Variants in IL1RL1 observed in about 807,000 individuals in gnomAD.
IL1RL1 encodes the protein interleukin 1 receptor like 1.
Under a neutral mutation model 50.9 loss-of-function variants are expected in IL1RL1, and 32 were observed. The ratio of observed to expected loss-of-function variants is 0.63; its 90% CI spans 0.47 to 0.84. IL1RL1 has a LOEUF of 0.84. Ranked by LOEUF, IL1RL1 falls within the 40% of genes least tolerant of loss-of-function variation. IL1RL1 has a pLI of 0.00. For synonymous variants in IL1RL1, 275 were observed against 236.0 expected (o/e 1.17, Z -1.51); for missense variants, 773 against 662.9 (o/e 1.17, Z -1.82).
Position 102,349,187 on chromosome 2 carries a change from T to C in IL1RL1, c.1226T>C (p.Leu409Pro). The change falls in exon 10 of 11, where the codon CTT (leucine) becomes CCT (proline). Residue 409 changes from leucine to proline, a missense_variant. Leu to Pro is a moderately conservative substitution (Grantham distance 98). Coordinates refer to ENST00000233954, the MANE Select transcript of IL1RL1 (RefSeq NM_016232.5). ...GTTCACCAGATTCTGCCTGATGTTCTTGAAAATAAATGTGGCTATACCTTA... is the reference window on the plus strand; with the variant it reads ...GTTCACCAGATTCTGCCTGATGTTCCTGAAAATAAATGTGGCTATACCTTA... ...HFVHQILPDV[L>P]ENKCGYTLCI... 1 of 1,613,998 alleles carries C rather than the reference T, an allele frequency of 6.2e-7. No homozygotes were observed. Among genetic ancestry groups the C allele is most frequent in the Non-Finnish European group, 8.5e-7 (1 of 1,179,870 alleles).
chr2:102,341,168 C>CTT (rs112164401), intron 5 of IL1RL1: 13,903 of 929,676 alleles, frequency 0.015, 1 homozygote, highest in Non-Finnish European at 0.016. Flanking sequence ...GCAAAACCAG[C>CTT]TTTTTTTTTT....
chr2:102,327,333 T>C (rs1677041022), intron 1 of IL1RL1, among the ~76,000 whole-genome samples: 1 of 151,370 alleles, frequency 6.6e-6, no homozygotes, highest in African/African-American at 2.4e-5. Context: ...CATACCAGAA[T>C]CTCTGGGACA....
chr2:102,322,668 T>G (rs1443315150), intron 1 of IL1RL1, among the ~76,000 whole-genome samples: 4 of 152,206 alleles, frequency 2.6e-5, no homozygotes, highest in Non-Finnish European at 5.9e-5. Context: ...ACAACTAATA[T>G]TCAATTAAAA....
intron 8 of IL1RL1, chr2:102,343,857 G>A (rs1040980882): frequency 3.0e-6 from 3 of 1,008,704 alleles, no homozygotes; most frequent in Non-Finnish European, 3.6e-6. Context: ...TTTTGTTAGC[G>A]AGGGTGGTAA....
At chr2:102,331,040 A>T (rs1353973859) in intron 1 of IL1RL1, among the ~76,000 whole-genome samples, 1 of 152,208 alleles carries the variant, frequency 6.6e-6, no homozygotes, top group Non-Finnish European at 1.5e-5. Context: ...TTAATCAAAC[A>T]TCAATTTACT....
At chr2:102,336,470 CCTT>C (rs1677330557) in intron 1 of IL1RL1, among the ~76,000 whole-genome samples, 1 of 151,484 alleles carries the variant, frequency 6.6e-6, no homozygotes, top group South Asian at 2.1e-4. Context: ...GTTCCTGAAT[CCTT>C]CTGAGATGTG....
chr2:102,338,524 T>G (rs1041159581), intron 2 of IL1RL1, among the ~76,000 whole-genome samples, 199 bp downstream of exon 2: 2 of 152,200 alleles, frequency 1.3e-5, no homozygotes, highest in African/African-American at 4.8e-5. Context: ...TCAGTTTGGC[T>G]TTGCATATTC....
intron 1 of IL1RL1, among the ~76,000 whole-genome samples, chr2:102,336,514 A>T (rs74587142): frequency 6.6e-6 from 1 of 152,198 alleles, no homozygotes; most frequent in Non-Finnish European, 1.5e-5. Context: ...GAGTTTACTC[A>T]TGATAGGGTC....
rs78841971 is a variant in IL1RL1 at position 102,338,035 on chromosome 2, A to G, written c.-149-81A>G. 1.6e-3 allele frequency: 565 copies of G among 342,734 alleles called. 2 individuals are homozygous for G. Among genetic ancestry groups the G allele is most frequent in the Middle Eastern group, 9.3e-3 (12 of 1,290 alleles). 21.2% of individuals were successfully genotyped at this position (342,734 alleles called of 1,614,324 possible). A position where few individuals can be genotyped will look rare whatever the true frequency, so the allele number is the denominator to read the frequency against. Reference sequence around the variant, plus strand: ...TTAATAAATATGTGTTGACTGATTCATTCTCCTGGGTGGTGCTGAGAAAGT... The same window carrying G: ...TTAATAAATATGTGTTGACTGATTCGTTCTCCTGGGTGGTGCTGAGAAAGT... On this transcript the variant is annotated intron_variant, in intron 1 of 10. Coordinates refer to ENST00000233954, the MANE Select transcript of IL1RL1 (RefSeq NM_016232.5).
intron 1 of IL1RL1, among the ~76,000 whole-genome samples, chr2:102,335,287 C>A (rs1450838112): frequency 1.3e-5 from 2 of 152,148 alleles, no homozygotes; most frequent in Non-Finnish European, 2.9e-5. Flanking sequence ...AAATTATAGA[C>A]TAGCTTATTT....
chr2:102,334,715 G>A (rs1677265537), intron 1 of IL1RL1, among the ~76,000 whole-genome samples: 1 of 151,678 alleles, frequency 6.6e-6, no homozygotes, highest in African/African-American at 2.4e-5. Context: ...TACAGTAAGA[G>A]CAGGCCACAC....
intron 1 of IL1RL1, among the ~76,000 whole-genome samples, chr2:102,332,609 C>G (rs762212951): frequency 6.6e-6 from 1 of 152,056 alleles, no homozygotes; most frequent in Non-Finnish European, 1.5e-5. Flanking sequence ...TAGATAAACC[C>G]ATAGAATCAG....
Position 102,349,607 on chromosome 2 carries a change from G to A in IL1RL1, c.1285+361G>A, listed in dbSNP as rs1921622. On this transcript the variant is annotated intron_variant, in intron 10 of 10. Transcript: ENST00000233954. ...TGAAAGAGGACTTAAAAATTGATGAGTTTTGTTCTGGTAGCCATAGGCACT... is the reference window on the plus strand; with the variant it reads ...TGAAAGAGGACTTAAAAATTGATGAATTTTGTTCTGGTAGCCATAGGCACT... Among the ~76,000 whole-genome samples the A allele has an allele frequency of 0.42, 64,532 of 152,032 alleles. 14,831 individuals carry two copies. Among genetic ancestry groups the A allele is most frequent in the Middle Eastern group, 0.6 (176 of 294 alleles).
chr2:102,313,230 A>G (rs938117789), intron 1 of IL1RL1: 1 of 152,180 alleles, frequency 6.6e-6, no homozygotes, highest in African/African-American at 2.4e-5. Flanking sequence ...TGAAGGTTAA[A>G]TGGGTGTAAG....
At chr2:102,340,015 C>T (rs1198076107) in intron 3 of IL1RL1, 83 bp from the exon 4 acceptor site, 1 of 693,754 alleles carries the variant, frequency 1.4e-6, no homozygotes, top group Admixed American at 3.8e-5. Context: ...AGAAGAAAAG[C>T]AATATTAAGT....
intron 1 of IL1RL1, among the ~76,000 whole-genome samples, chr2:102,328,131 G>T (rs889202188): frequency 6.6e-6 from 1 of 152,156 alleles, no homozygotes; most frequent in African/African-American, 2.4e-5. Flanking sequence ...ACCAAATCCA[G>T]CAGCACATCA....
rs1343867160 is a variant in IL1RL1 at position 102,312,042 on chromosome 2, T to TAA, written c.-150+419_-150+420insAA. On this transcript the variant is annotated intron_variant, in intron 1 of 10. Transcript: ENST00000233954. Reference sequence around the variant, plus strand: ...TATAATATATATTATATATTAAATATTATATATATAATATATATAACATTA... The same window carrying TAA: ...TATAATATATATTATATATTAAATATAATATATATATAATATATATAACATTA... 5.9e-3 allele frequency among the ~76,000 whole-genome samples: 449 copies of TAA among 76,150 alleles called. 20 individuals carry two copies. Among genetic ancestry groups the TAA allele is most frequent in the East Asian group, 0.023 (70 of 3,082 alleles). 50.0% of individuals were successfully genotyped at this position (76,150 alleles called of 152,430 possible).
intron 1 of IL1RL1, among the ~76,000 whole-genome samples, chr2:102,330,282 T>C (rs533062761): frequency 2.7e-5 from 4 of 149,560 alleles, no homozygotes; most frequent in South Asian, 2.1e-4. Context: ...TAGATGGGAA[T>C]TGGACAATGA....
intron 4 of IL1RL1, 121 bp downstream of exon 4, chr2:102,340,393 A>G (rs900305671): frequency 7.7e-5 from 63 of 821,152 alleles, no homozygotes; most frequent in East Asian, 2.9e-4. Context: ...CAGGCAGATC[A>G]CTTGAGGCCA....
Sources: gnomAD v4.1 joint callset for allele counts (sites outside exome capture counted in the v4.1 genomes callset) on GRCh38, gnomAD v4.1.1 for gene constraint, MANE v1.5 for transcripts, NCBI Gene and HGNC (gene_info 2026-07-23, HGNC 2026-07-21) for gene names.